CRTAM: variants seen among roughly 807,000 people sequenced by gnomAD.
The protein encoded by CRTAM is cytotoxic and regulatory T-cell molecule.
Under a neutral mutation model 50.0 loss-of-function variants are expected in CRTAM, and 44 were observed. That is an observed-to-expected ratio of 0.88 (90% confidence interval 0.69 to 1.13). The LOEUF is 1.13. Among genes scored for constraint, CRTAM ranks in the 50% most tolerant of loss-of-function variants. The pLI is 0.00. For missense variants in CRTAM, 448 were observed against 457.5 expected (o/e 0.98, Z 0.19); for synonymous variants, 159 against 169.3 (o/e 0.94, Z 0.47).
At chr11:122,860,798 G>A (rs1862061629) in intron 5 of CRTAM, among the ~76,000 whole-genome samples, 1 of 152,034 alleles carries the variant, frequency 6.6e-6, no homozygotes, top group South Asian at 2.1e-4. Flanking sequence ...CGACCTCTCT[G>A]GGCTCAGATG....
rs1862267493 is a variant in CRTAM, at chr11:122,872,427, T to A, written c.*1028T>A. The A allele has an allele frequency of 1.3e-5, 2 of 152,632 alleles. No individual in the cohort carries two copies. The highest frequency in any genetic ancestry group is 4.8e-5 in the African/African-American group (2 of 41,470). 9.5% of individuals were successfully genotyped at this position (152,632 alleles called of 1,614,324 possible). ...TTGAATTTACTGATTATTGACCTAA[T>A]GGATGGCTTTTTAAAATGTTTTAAT... On this transcript the variant is annotated 3_prime_UTR_variant, in exon 10 of 10. Transcript: ENST00000227348.
chr11:122,862,422 T>C, intron 5 of CRTAM, 42 bp from the exon 6 acceptor site: 2 of 1,258,308 alleles, frequency 1.6e-6, no homozygotes, highest in Non-Finnish European at 2.3e-6. Flanking sequence ...TGGGTAAAAC[T>C]GCTCTCTATA....
chr11:122,871,157 T>C, intron 9 of CRTAM, 112 bp from the exon 10 acceptor site: 4 of 1,022,478 alleles, frequency 3.9e-6, no homozygotes, highest in Non-Finnish European at 5.7e-6. Context: ...TTTTAGGTTT[T>C]TATAAAGCAA....
Position 122,850,186 on chromosome 11 carries a change from G to T in CRTAM, c.165G>T (p.Gly55=), listed in dbSNP as rs748346120. Residue 55 remains glycine (G), a synonymous_variant, in exon 2 of 10, where the codon GGG becomes GGT. Coordinates refer to ENST00000227348, the MANE Select transcript of CRTAM (RefSeq NM_019604.4). The stretch of plus-strand genomic sequence containing the variant: ...CCCTCCAGTGGCTGACCCCCTCAGG[G>T]TTCACCATTTTTTTAAATGAGTATC... ...NSSLQWLTPS[G]FTIFLNEYPA... is the part of the protein sequence containing the mutation. 6.8e-6 allele frequency: 11 copies of T among 1,610,284 alleles called. No individual in the cohort carries two copies. In the African/African-American group the frequency reaches 1.2e-4, roughly 18 times the overall value.
At chr11:122,860,219 T>C (rs1037716703) in intron 5 of CRTAM, among the ~76,000 whole-genome samples, 2 of 152,144 alleles carry the variant, frequency 1.3e-5, no homozygotes, top group African/African-American at 4.8e-5. Flanking sequence ...AGCTAGTTTT[T>C]GTGTTTTTAT....
At chr11:122,852,198 C>T (rs1002018889) in intron 3 of CRTAM, among the ~76,000 whole-genome samples, 2 of 152,138 alleles carry the variant, frequency 1.3e-5, no homozygotes, top group South Asian at 2.1e-4. Context: ...AAGGAGTTTG[C>T]GCACCAGCTC....
intron 2 of CRTAM, among the ~76,000 whole-genome samples, chr11:122,850,681 G>T (rs1774308259): frequency 6.6e-6 from 1 of 152,098 alleles, no homozygotes; most frequent in Admixed American, 6.5e-5. Flanking sequence ...TCTCCTGTTG[G>T]TCTTAACATA....
At chr11:122,867,607 T>TA (rs748259175) in intron 8 of CRTAM, 52 bp downstream of exon 8, 102 of 1,554,924 alleles carry the variant, frequency 6.6e-5, no homozygotes, top group South Asian at 5.9e-4. Flanking sequence ...AACAAATGGC[T>TA]AAAAAAAAGG....
At chr11:122,852,004 T>C (rs992266406) in intron 3 of CRTAM, among the ~76,000 whole-genome samples, 159 bp downstream of exon 3, 3 of 152,166 alleles carry the variant, frequency 2.0e-5, no homozygotes, top group African/African-American at 7.2e-5. Context: ...GAAGAGAGCA[T>C]TTTGAGAAGC....
At position 122,872,187 on chromosome 11, in the gene CRTAM, A is replaced by C. The variant is rs1862264405; in HGVS notation, c.*788A>C. On this transcript the variant is annotated 3_prime_UTR_variant, in exon 10 of 10. Coordinates refer to ENST00000227348, the MANE Select transcript of CRTAM (RefSeq NM_019604.4). ...GACTTTTAAGATGTAACCAGCACAA[A>C]GCAATGTCAGGGAGGAGTGATACAT... The C allele has an allele frequency of 6.6e-6, 1 of 152,264 alleles. No individual in the cohort carries two copies. The highest frequency in any genetic ancestry group is 6.5e-5 in the Admixed American group (1 of 15,292). The allele number at this position is 152,264 out of a possible 1,614,324, so 9.4% of individuals were successfully genotyped here.
rs151156247 is a variant in CRTAM at position 122,850,102 on chromosome 11, C to T, written c.81C>T (p.Thr27=). The part of the protein sequence containing the change: ...ASLTNHTETI[T]VEEGQTLTLK... ...TGACTAACCACACAGAAACCATCAC[C>T]GTGGAGGAAGGCCAGACGCTCACTC... Residue 27 remains threonine (T), a synonymous_variant, in exon 2 of 10, where the codon ACC becomes ACT. Coordinates refer to ENST00000227348, the MANE Select transcript of CRTAM (RefSeq NM_019604.4). 3.8e-5 allele frequency: 62 copies of T among 1,613,014 alleles called. No individual in the cohort carries two copies. The African/African-American group carries it at 6.8e-4, about 18-fold the overall frequency.
chr11:122,844,210 A>T (rs1288184952), intron 1 of CRTAM, among the ~76,000 whole-genome samples: 1 of 152,220 alleles, frequency 6.6e-6, no homozygotes, highest in Non-Finnish European at 1.5e-5. Flanking sequence ...TTTCATCACA[A>T]TTTTTAAAAT....
chr11:122,856,172 T>C (rs1297149867), intron 5 of CRTAM, among the ~76,000 whole-genome samples: 1 of 152,222 alleles, frequency 6.6e-6, no homozygotes, highest in Non-Finnish European at 1.5e-5. Flanking sequence ...ATCATATGAA[T>C]CATACTGCAT....
chr11:122,855,902 A>C, intron 5 of CRTAM, 46 bp downstream of exon 5: 1 of 1,495,570 alleles, frequency 6.7e-7, no homozygotes, highest in Non-Finnish European at 9.2e-7. Flanking sequence ...GATTTACTTT[A>C]ATATTACACT....
intron 3 of CRTAM, among the ~76,000 whole-genome samples, chr11:122,853,070 C>CTT (rs34068369): frequency 0.013 from 1,939 of 144,266 alleles, 37 homozygotes; most frequent in African/African-American, 0.046. Flanking sequence ...ATAAATGCAC[C>CTT]TTTTTTTTTT....
intron 5 of CRTAM, among the ~76,000 whole-genome samples, chr11:122,860,957 A>G (rs1374229012): frequency 9.9e-5 from 15 of 152,128 alleles, no homozygotes; most frequent in Admixed American, 9.8e-4. Context: ...TCGGCCCCCC[A>G]CAGAACTGGG....
At chr11:122,868,781 G>C (rs1267816470) in intron 9 of CRTAM, among the ~76,000 whole-genome samples, 1 of 152,168 alleles carries the variant, frequency 6.6e-6, no homozygotes, top group African/African-American at 2.4e-5. Context: ...GGCCGAGGCG[G>C]GCGGATCACG....
chr11:122,863,291 AAAGAAAGAGAGAAAG>A (rs1862116322), intron 6 of CRTAM, among the ~76,000 whole-genome samples: 2 of 150,366 alleles, frequency 1.3e-5, no homozygotes, highest in African/African-American at 4.9e-5. Context: ...AAAGAAAAAG[AAAGAAAGAGAGAAAG>A]AAAAGAAAGA....
At chr11:122,850,357 C>T in intron 2 of CRTAM, 143 bp downstream of exon 2, 1 of 733,460 alleles carries the variant, frequency 1.4e-6, no homozygotes. Context: ...TGAATCACGC[C>T]TCCAAATCCT....
Sources: allele counts gnomAD v4.1 joint callset (sites outside exome capture counted in the v4.1 genomes callset), GRCh38; gene constraint gnomAD v4.1.1; transcripts MANE v1.5; gene names NCBI Gene and HGNC (gene_info 2026-07-23, HGNC 2026-07-21).